POLR1A: variants seen among roughly 807,000 people sequenced by gnomAD.
POLR1A encodes the protein DNA-directed RNA polymerase I subunit RPA1.
In POLR1A, 84 loss-of-function variants were observed where a neutral mutation model predicts 205.3. The observed-to-expected ratio is 0.41, with a 90% CI of 0.34 to 0.49. The LOEUF is 0.49. Among genes scored for constraint, POLR1A ranks in the 20% least tolerant of loss-of-function variants. POLR1A has a pLI of 0.22. For missense variants in POLR1A, 1,645 were observed against 2,204.5 expected (o/e 0.75, Z 5.08); for synonymous variants, 799 against 863.7 (o/e 0.93, Z 1.31).
chr2:86,099,843 T>G (rs765264688), intron 2 of POLR1A, 125 bp downstream of exon 2: 4 of 718,324 alleles, frequency 5.6e-6, no homozygotes, highest in African/African-American at 1.8e-5. Flanking sequence ...AAAATCTCAT[T>G]CTACAGAATG....
At chr2:86,076,256 T>C (rs571933413) in intron 11 of POLR1A, among the ~76,000 whole-genome samples, 1 of 152,324 alleles carries the variant, frequency 6.6e-6, no homozygotes, top group Non-Finnish European at 1.5e-5. Flanking sequence ...TTGTCTAGCT[T>C]TGTACAGGTC....
intron 3 of POLR1A, among the ~76,000 whole-genome samples, chr2:86,092,417 T>C (rs550471575): frequency 4.6e-5 from 7 of 152,362 alleles, no homozygotes; most frequent in Admixed American, 4.6e-4. Context: ...GTCTGTCATG[T>C]GGGGAGCCAA....
intron 3 of POLR1A, among the ~76,000 whole-genome samples, chr2:86,090,726 C>T (rs888750540): frequency 3.9e-5 from 6 of 152,168 alleles, no homozygotes; most frequent in African/African-American, 1.4e-4. Context: ...GTGCATTTTC[C>T]AATGCAGCAA....
intron 8 of POLR1A, 30 bp downstream of exon 8, chr2:86,081,571 A>T: frequency 7.3e-7 from 1 of 1,378,102 alleles, no homozygotes; most frequent in Non-Finnish European, 1.0e-6. Flanking sequence ...GCTTTTTTTC[A>T]GGTGAAATAA....
intron 8 of POLR1A, 36 bp downstream of exon 8, chr2:86,081,561 GCTTT>G (rs773250198): frequency 6.9e-6 from 9 of 1,298,456 alleles, no homozygotes; most frequent in South Asian, 1.2e-5. Context: ...TCCTTAGTAC[GCTTT>G]TTTTCAGGTG....
At chr2:86,071,736 T>G (rs1472576380) in intron 12 of POLR1A, among the ~76,000 whole-genome samples, 1 of 152,236 alleles carries the variant, frequency 6.6e-6, no homozygotes, top group Non-Finnish European at 1.5e-5. Flanking sequence ...CTGACTTTCC[T>G]GTACCGCCTA....
intron 16 of POLR1A, among the ~76,000 whole-genome samples, chr2:86,049,745 G>A (rs894002628): frequency 1.3e-5 from 2 of 152,070 alleles, no homozygotes; most frequent in African/African-American, 2.4e-5. Context: ...AGACACACCC[G>A]AGCCTGGGTG....
chr2:86,061,792 T>C (rs750418768), intron 14 of POLR1A, among the ~76,000 whole-genome samples: 4 of 151,152 alleles, frequency 2.6e-5, no homozygotes, highest in Non-Finnish European at 5.9e-5. Context: ...AACTTGTTTA[T>C]AGTGTTGGAA....
rs1421819583 is a variant in POLR1A at position 86,022,312 on chromosome 2, T to C, written c.*5111A>G. The C allele has an allele frequency of 1.3e-5, 2 of 152,222 alleles. No individual in the cohort carries two copies. Among genetic ancestry groups the C allele is most frequent in the African/African-American group, 2.4e-5 (1 of 41,450 alleles). The allele number at this position is 152,222 out of a possible 1,614,324, so 9.4% of individuals were successfully genotyped here. A position where few individuals can be genotyped will look rare whatever the true frequency, so the allele number is the denominator to read the frequency against. On this transcript the variant is annotated 3_prime_UTR_variant, in exon 34 of 34. Coordinates refer to ENST00000263857, the MANE Select transcript of POLR1A (RefSeq NM_015425.6). ...CCTTTGGACCCCACTGTAAAGTCCTTGCAGACATCTGTCATGGCACGATGA... is the reference window on the plus strand; with the variant it reads ...CCTTTGGACCCCACTGTAAAGTCCTCGCAGACATCTGTCATGGCACGATGA...
chr2:86,063,577 C>G (rs879556200), intron 14 of POLR1A, among the ~76,000 whole-genome samples: 1 of 152,030 alleles, frequency 6.6e-6, no homozygotes, highest in Non-Finnish European at 1.5e-5. Context: ...AACTACAGAC[C>G]AATATCTATC....
chr2:86,105,754 G>A lies in POLR1A; in HGVS notation c.23C>T (p.Pro8Leu). Reference protein sequence around the residue: MLISKNMPWRRLQGISFG... With the variant: MLISKNMLWRRLQGISFG... ...GGAAATGCCCTGCAGCCGCCGCCAGGGCATGTTCTTGGAGATCAACATCCT... is the reference window on the plus strand; with the variant it reads ...GGAAATGCCCTGCAGCCGCCGCCAGAGCATGTTCTTGGAGATCAACATCCT... Residue 8 changes from proline (P) to leucine (L), a missense_variant, in exon 1 of 34, where the codon CCC becomes CTC. This residue lies in a region of POLR1A where 330 missense variants were observed against 375.6 expected (regional missense o/e 0.88). Transcript: ENST00000263857. The A allele has an allele frequency of 6.2e-7, 1 of 1,614,098 alleles. No homozygotes were observed. The highest frequency in any genetic ancestry group is 8.5e-7 in the Non-Finnish European group (1 of 1,179,932).
chr2:86,035,121 T>TTG (rs1410337184), intron 27 of POLR1A, among the ~76,000 whole-genome samples: 3 of 152,230 alleles, frequency 2.0e-5, no homozygotes, highest in African/African-American at 7.2e-5. Context: ...TCCACCTGCC[T>TTG]TGGCCTCCCA....
At chr2:86,059,168 C>G (rs1348297674) in intron 14 of POLR1A, among the ~76,000 whole-genome samples, 1 of 152,176 alleles carries the variant, frequency 6.6e-6, no homozygotes, top group African/African-American at 2.4e-5. Context: ...TCTACATGTA[C>G]AGACACAGAA....
intron 13 of POLR1A, among the ~76,000 whole-genome samples, chr2:86,069,095 A>G (rs1673131827): frequency 6.6e-6 from 1 of 152,218 alleles, no homozygotes; most frequent in Non-Finnish European, 1.5e-5. Flanking sequence ...ACCTACCTCC[A>G]AGGACTGTGG....
In POLR1A at chr2:86,065,375, A is replaced by G; in HGVS notation, c.1957T>C (p.Tyr653His). The change falls in exon 14 of 34, where the codon TAT becomes CAT. Residue 653 changes from tyrosine (Y) to histidine (H), a missense_variant. Physicochemically the swap from Tyr to His is moderately conservative, Grantham distance 83. Around this residue, in one of 16 missense-constraint regions of POLR1A, gnomAD observed 339 missense variants for 415.1 expected, o/e 0.82. Transcript: ENST00000263857. Reference protein sequence around the residue: ...TRGCFFTREHYMELVYRGLTD... With the variant: ...TRGCFFTREHHMELVYRGLTD... ...AGTCCTCGGTACACCAGCTCCATAT[A>G]GTGCTCCCGGGTGAAAAAGCAACCC... is the stretch of plus-strand genomic sequence containing the variant. 1 of 1,614,184 alleles carries G rather than the reference A, an allele frequency of 6.2e-7. No homozygotes were observed. The highest frequency in any genetic ancestry group is 8.5e-7 in the Non-Finnish European group (1 of 1,180,000).
chr2:86,039,515 T>C, intron 25 of POLR1A, 53 bp from the exon 26 acceptor site: 1 of 1,605,914 alleles, frequency 6.2e-7, no homozygotes. Flanking sequence ...GACCTTCTGT[T>C]TGGGTGCAGC....
At position 86,033,719 on chromosome 2, in the gene POLR1A, T is replaced by C. The variant is rs781468536; in HGVS notation, c.4103A>G (p.Asn1368Ser). Residue 1368 changes from asparagine (N) to serine (S), a missense_variant, in exon 28 of 34, where the codon AAC (asparagine) becomes AGC (serine). Physicochemically the swap from Asn to Ser is conservative, Grantham distance 46. This residue lies in a region of POLR1A where 394 missense variants were observed against 468.5 expected (regional missense o/e 0.84). Coordinates refer to ENST00000263857, the MANE Select transcript of POLR1A (RefSeq NM_015425.6). ...NNKASAFRNV[N>S]TRRATQRDLD... ...ATCCCGCTGTGTAGCTCTTCGAGTG[T>C]TTACGTTCCTGAAAGCTGATGCTTT... 9 of 1,613,908 alleles carry C rather than the reference T, an allele frequency of 5.6e-6. No homozygotes were observed. The South Asian group carries it at 8.8e-5, about 16-fold the overall frequency.
chr2:86,061,013 G>A (rs1672983704), intron 14 of POLR1A, among the ~76,000 whole-genome samples: 1 of 152,180 alleles, frequency 6.6e-6, no homozygotes, highest in Non-Finnish European at 1.5e-5. Context: ...CATCACAAAA[G>A]ATGATATCCA....
chr2:86,069,993 G>A (rs765625759), intron 13 of POLR1A, 25 bp downstream of exon 13: 11 of 1,603,248 alleles, frequency 6.9e-6, no homozygotes, highest in South Asian at 3.3e-5. Flanking sequence ...CGATGACCAC[G>A]GAACAGCCTC....
Sources: gnomAD v4.1 joint callset for allele counts (sites outside exome capture counted in the v4.1 genomes callset) on GRCh38, gnomAD v4.1.1 for gene constraint, gnomAD v4.1.1 regional missense constraint, MANE v1.5 for transcripts, NCBI Gene and HGNC (gene_info 2026-07-23, HGNC 2026-07-21) for gene names.